COP1: variants seen among roughly 807,000 people sequenced by gnomAD.
COP1 encodes the protein COP1 E3 ubiquitin ligase.
In COP1, 24 loss-of-function variants were observed where a neutral mutation model predicts 101.3. The observed-to-expected ratio is 0.24, with a 90% confidence interval of 0.17 to 0.33. The LOEUF is 0.33. Ranked by LOEUF, COP1 falls within the 10% of genes least tolerant of loss-of-function variation. The probability of loss-of-function intolerance (pLI) is 1.00; values close to 1 mark genes in which losing one functional copy is unlikely to be tolerated. For missense variants in COP1, 663 were observed against 906.2 expected (o/e 0.73, Z 3.45); for synonymous variants, 347 against 341.9 (o/e 1.01, Z -0.17).
At position 175,963,977 on chromosome 1, in the gene COP1, A is replaced by G. The variant is rs561162848; in HGVS notation, c.2134-16738T>C. On this transcript the variant is annotated intron_variant, in intron 18 of 19. Transcript: ENST00000367669. ...GTTGTCCAGTTATGTGGATTCGTAT[A>G]TAAAATGTTAAAGATGACAGCAACA... Among the ~76,000 whole-genome samples the G allele has an allele frequency of 1.4e-4, 22 of 152,358 alleles. No homozygotes were observed. The South Asian group carries it at 2.7e-3, about 19-fold the overall frequency.
rs1419838517 is a variant in COP1 at position 175,989,414 on chromosome 1, G to A, written c.1795C>T (p.Arg599Cys). The A allele has an allele frequency of 5.6e-6, 9 of 1,609,824 alleles. No homozygotes were observed. The highest frequency in any genetic ancestry group is 2.7e-5 in the African/African-American group (2 of 74,812). The part of the protein sequence containing the change: ...KQPIMVFKGH[R>C]KAVSYAKFVS... The stretch of plus-strand genomic sequence containing the variant: ...AACTTTGCATAAGAGACTGCTTTAC[G>A]GTGTCCTTTGAATACCATGATTGGC... Residue 599 changes from arginine to cysteine, a missense_variant, in exon 16 of 20, where the codon CGT becomes TGT. By Grantham distance (180) the Arg-to-Cys change is radical (BLOSUM62 -3). Coordinates refer to ENST00000367669, the MANE Select transcript of COP1 (RefSeq NM_022457.7).
At chr1:176,197,309 G>C (rs1413664839) in intron 1 of COP1, among the ~76,000 whole-genome samples, 1 of 152,140 alleles carries the variant, frequency 6.6e-6, no homozygotes, top group East Asian at 1.9e-4. Flanking sequence ...CAGCTACTAG[G>C]AAGATGAGGG....
At chr1:176,058,188 G>GGC (rs1344362079) in intron 11 of COP1, among the ~76,000 whole-genome samples, 3 of 146,700 alleles carry the variant, frequency 2.0e-5, no homozygotes, top group Admixed American at 1.3e-4. Context: ...TAGGGAGGGG[G>GGC]GGGGTCAGCC....
chr1:175,964,880 T>C (rs750473139), intron 18 of COP1, among the ~76,000 whole-genome samples: 5 of 152,248 alleles, frequency 3.3e-5, no homozygotes, highest in Non-Finnish European at 5.9e-5. Context: ...GTTAATTCCT[T>C]AATATTCTCT....
chr1:176,075,414 T>A (rs1677804697), intron 11 of COP1, among the ~76,000 whole-genome samples: 1 of 152,234 alleles, frequency 6.6e-6, no homozygotes, highest in South Asian at 2.1e-4. Flanking sequence ...TTAGCAATAT[T>A]TGACACGTTA....
At chr1:176,093,753 T>C (rs1394097402) in intron 9 of COP1, among the ~76,000 whole-genome samples, 2 of 151,184 alleles carry the variant, frequency 1.3e-5, no homozygotes, top group African/African-American at 4.9e-5. Flanking sequence ...GGCAGGAGAA[T>C]GCTGTGAACC....
intron 15 of COP1, among the ~76,000 whole-genome samples, chr1:175,991,440 T>C (rs1197885404): frequency 6.6e-6 from 1 of 152,198 alleles, no homozygotes; most frequent in Non-Finnish European, 1.5e-5. Flanking sequence ...TTTGCAGGAC[T>C]GAAAATTGTT....
At chr1:176,149,749 G>A (rs972565136) in intron 5 of COP1, among the ~76,000 whole-genome samples, 1 of 151,986 alleles carries the variant, frequency 6.6e-6, no homozygotes. Context: ...AAAAACACAA[G>A]TATGTATCAT....
intron 9 of COP1, among the ~76,000 whole-genome samples, chr1:176,096,686 T>C (rs1299546368): frequency 6.6e-6 from 1 of 152,210 alleles, no homozygotes; most frequent in Non-Finnish European, 1.5e-5. Context: ...TTTTCCTTTT[T>C]AGAAAATGTT....
intron 6 of COP1, among the ~76,000 whole-genome samples, chr1:176,145,664 A>G (rs1691473219): frequency 6.6e-6 from 1 of 152,192 alleles, no homozygotes; most frequent in Non-Finnish European, 1.5e-5. Flanking sequence ...AACAACAAAA[A>G]TCAACCAACT....
intron 1 of COP1, among the ~76,000 whole-genome samples, chr1:176,187,811 G>A (rs550151367): frequency 2.0e-5 from 3 of 152,134 alleles, no homozygotes; most frequent in East Asian, 1.9e-4. Flanking sequence ...GAGAAAATAC[G>A]GGAAAATATA....
chr1:176,127,646 T>C (rs1433219830), intron 8 of COP1, among the ~76,000 whole-genome samples: 1 of 151,824 alleles, frequency 6.6e-6, no homozygotes, highest in Non-Finnish European at 1.5e-5. Context: ...ATGTTTTAAA[T>C]TCATTCATCC....
At chr1:175,980,225 TCAAA>T (rs1242997833) in intron 18 of COP1, among the ~76,000 whole-genome samples, 1 of 126,680 alleles carries the variant, frequency 7.9e-6, no homozygotes, top group Non-Finnish European at 1.8e-5. Context: ...CTGCTCTTAC[TCAAA>T]ATACTATGAT....
chr1:176,175,941 G>T lies in COP1; in HGVS notation c.534C>A (p.Asp178Glu). The T allele has an allele frequency of 6.3e-7, 1 of 1,581,058 alleles. No homozygotes were observed. Among genetic ancestry groups the T allele is most frequent in the Non-Finnish European group, 8.7e-7 (1 of 1,152,810 alleles). Residue 178 changes from aspartate (D) to glutamate (E), a missense_variant, in exon 3 of 20, where the codon GAC becomes GAA. Transcript: ENST00000367669. ...AATTAGGATACAGATGGTCAATATT[G>T]TCCACAACATAGTTACACTTGGGAC... is the stretch of plus-strand genomic sequence containing the variant. ...NRCPKCNYVV[D>E]NIDHLYPNFL...
intron 6 of COP1, among the ~76,000 whole-genome samples, chr1:176,148,291 A>G (rs1212000430): frequency 2.0e-5 from 3 of 152,146 alleles, no homozygotes; most frequent in East Asian, 1.9e-4. Flanking sequence ...AGCCCAGAAC[A>G]TAGCACATAA....
chr1:176,168,776 G>A (rs545110255), intron 3 of COP1: 99 of 236,744 alleles, frequency 4.2e-4, no homozygotes, highest in African/African-American at 2.3e-3. Context: ...AGAAACAGAA[G>A]AGAATGAGAG....
chr1:176,002,293 T>C lies in COP1; in HGVS notation c.1730-12814A>G, dbSNP rs539285279. ...TCTTTTTTCTTTGTATTCTTTACAA[T>C]GGATAATCACAACTGACCTATCTCC... On this transcript the variant is annotated intron_variant, in intron 15 of 19. Coordinates refer to ENST00000367669, the MANE Select transcript of COP1 (RefSeq NM_022457.7). Among the ~76,000 whole-genome samples, 9 of 152,226 alleles carry C rather than the reference T, an allele frequency of 5.9e-5. No homozygotes were observed. In the East Asian group the frequency reaches 1.2e-3, roughly 20 times the overall value.
At chr1:176,090,276 G>A (rs939205605) in intron 9 of COP1, among the ~76,000 whole-genome samples, 1 of 152,140 alleles carries the variant, frequency 6.6e-6, no homozygotes, top group Non-Finnish European at 1.5e-5. Flanking sequence ...AGTAATGACA[G>A]GTGTCTTATG....
intron 5 of COP1, among the ~76,000 whole-genome samples, chr1:176,151,890 C>A (rs1179346017): frequency 6.6e-6 from 1 of 151,464 alleles, no homozygotes; most frequent in Admixed American, 6.6e-5. Context: ...AGTTCATCTT[C>A]CCAAGTACAG....
Sources: gnomAD v4.1 joint callset for allele counts (sites outside exome capture counted in the v4.1 genomes callset) on GRCh38, gnomAD v4.1.1 for gene constraint, MANE v1.5 for transcripts, NCBI Gene and HGNC (gene_info 2026-07-23, HGNC 2026-07-21) for gene names.